Variants in MBNL2 observed in about 807,000 individuals in gnomAD.
MBNL2 encodes the protein muscleblind like splicing regulator 2.
A neutral mutation model predicts 41.9 loss-of-function variants in MBNL2; 17 were observed. The ratio of observed to expected loss-of-function variants is 0.41; its 90% confidence interval spans 0.28 to 0.61. The LOEUF is 0.61. Among genes scored for constraint, MBNL2 ranks in the 20% least tolerant of loss-of-function variants. The pLI is 0.35. For missense variants in MBNL2, 336 were observed against 505.6 expected (o/e 0.66, Z 3.22); for synonymous variants, 195 against 182.9 (o/e 1.07, Z -0.53).
the MBNL2 span, among the ~76,000 whole-genome samples, chr13:97,164,091 T>C: frequency 0.012 from 1,829 of 152,294 alleles, 32 homozygotes; most frequent in African/African-American, 0.042. Flanking sequence ...ACTGCAGCCT[T>C]GACCTCCTGG....
At chr13:97,274,161 G>A (rs2051683165) in intron 1 of MBNL2, among the ~76,000 whole-genome samples, 1 of 152,138 alleles carries the variant, frequency 6.6e-6, no homozygotes, top group Non-Finnish European at 1.5e-5. Flanking sequence ...TTGATTTGGG[G>A]TCATACTTTT....
At chr13:97,247,104 A>G (rs2045618002) in intron 1 of MBNL2, among the ~76,000 whole-genome samples, 1 of 152,242 alleles carries the variant, frequency 6.6e-6, no homozygotes, top group South Asian at 2.1e-4. Flanking sequence ...TGCTAGAAAC[A>G]CTTTATTCAC....
chr13:97,315,288 C>A (rs1467733244), intron 2 of MBNL2, among the ~76,000 whole-genome samples: 11 of 152,228 alleles, frequency 7.2e-5, no homozygotes, highest in African/African-American at 2.7e-4. Context: ...TCTCATCCCA[C>A]AAGGTTTACA....
At chr13:97,380,895 G>A (rs2065389903) in intron 8 of MBNL2, among the ~76,000 whole-genome samples, 1 of 152,080 alleles carries the variant, frequency 6.6e-6, no homozygotes, top group Admixed American at 6.5e-5. Flanking sequence ...ACTACTTACC[G>A]CACTGCAGAG....
At chr13:97,325,053 AATCCAATCAAGTTGACACTCAAT>A (rs1484031627) in intron 2 of MBNL2, among the ~76,000 whole-genome samples, 1 of 152,194 alleles carries the variant, frequency 6.6e-6, no homozygotes, top group East Asian at 1.9e-4. Context: ...TGCATCCTTC[AATCCAATCAAGTTGACACTCAAT>A]ATTAACATCA....
chr13:97,261,477 G>A (rs902493152), intron 1 of MBNL2, among the ~76,000 whole-genome samples: 1 of 152,136 alleles, frequency 6.6e-6, no homozygotes, highest in African/African-American at 2.4e-5. Context: ...CCATCTCCAA[G>A]ACCTTGACCT....
At chr13:97,294,383 A>G (rs1216843016) in intron 2 of MBNL2, among the ~76,000 whole-genome samples, 1 of 152,244 alleles carries the variant, frequency 6.6e-6, no homozygotes, top group Admixed American at 6.5e-5. Flanking sequence ...TTACAATTAA[A>G]TACTAAACCA....
At chr13:97,387,204 T>C (rs116283535) in intron 8 of MBNL2, among the ~76,000 whole-genome samples, 4,387 of 152,116 alleles carry the variant, frequency 0.029, 86 homozygotes, top group Middle Eastern at 0.051. Flanking sequence ...CAAATAGAAA[T>C]ATAGCTTGTT....
chr13:97,259,995 C>T (rs1051887593), intron 1 of MBNL2, among the ~76,000 whole-genome samples: 1 of 152,126 alleles, frequency 6.6e-6, no homozygotes, highest in Non-Finnish European at 1.5e-5. Flanking sequence ...ACAGACCATC[C>T]CCTTACAGAC....
chr13:97,291,466 C>T (rs1350671007), intron 2 of MBNL2, among the ~76,000 whole-genome samples: 1 of 152,060 alleles, frequency 6.6e-6, no homozygotes, highest in East Asian at 1.9e-4. Flanking sequence ...TGGTCTCAAT[C>T]CCCTGACCTC....
At chr13:97,348,074 A>ATTTTTTTTT (rs71692187) in intron 5 of MBNL2, among the ~76,000 whole-genome samples, 7 of 120,314 alleles carry the variant, frequency 5.8e-5, no homozygotes, top group African/African-American at 2.2e-4. Context: ...GGGCAGTGGG[A>ATTTTTTTTT]TTTTTTTTTT....
chr13:97,266,486 G>A (rs964556363), intron 1 of MBNL2, among the ~76,000 whole-genome samples: 1 of 152,158 alleles, frequency 6.6e-6, no homozygotes, highest in African/African-American at 2.4e-5. Flanking sequence ...GTGATTACAG[G>A]GCAGTCTTAC....
chr13:97,263,810 A>G (rs148698149), intron 1 of MBNL2, among the ~76,000 whole-genome samples: 2 of 151,428 alleles, frequency 1.3e-5, no homozygotes, highest in African/African-American at 2.4e-5. Flanking sequence ...TAGAGACGGG[A>G]TTTCATCATG....
chr13:97,270,038 A>T (rs2050633715), intron 1 of MBNL2, among the ~76,000 whole-genome samples: 1 of 152,226 alleles, frequency 6.6e-6, no homozygotes, highest in South Asian at 2.1e-4. Flanking sequence ...CGACATTTAG[A>T]TGAAGAAGGT....
At chr13:97,368,598 ATTTG>A (rs1566445466) in intron 8 of MBNL2, among the ~76,000 whole-genome samples, 1 of 120,898 alleles carries the variant, frequency 8.3e-6, no homozygotes, top group African/African-American at 2.9e-5. Context: ...CATAATAAAT[ATTTG>A]ACCATGTGTC....
chr13:97,318,724 A>AG (rs1231539778), intron 2 of MBNL2, among the ~76,000 whole-genome samples: 2 of 152,214 alleles, frequency 1.3e-5, no homozygotes, highest in Non-Finnish European at 2.9e-5. Context: ...GGGTTTGCTG[A>AG]GGGAAAAGAC....
intron 8 of MBNL2, among the ~76,000 whole-genome samples, chr13:97,374,023 C>T (rs1476992535): frequency 7.1e-6 from 1 of 140,078 alleles, no homozygotes; most frequent in Non-Finnish European, 1.5e-5. Context: ...TGCCTGTGGA[C>T]GGTCCTTTGC....
At chr13:97,253,339 C>T (rs937777044) in intron 1 of MBNL2, among the ~76,000 whole-genome samples, 1 of 152,212 alleles carries the variant, frequency 6.6e-6, no homozygotes, top group Non-Finnish European at 1.5e-5. Flanking sequence ...CCTACAGAAT[C>T]TCATCCTAGC....
intron 1 of MBNL2, among the ~76,000 whole-genome samples, chr13:97,266,007 C>T (rs990511755): frequency 6.6e-6 from 1 of 151,956 alleles, no homozygotes; most frequent in Admixed American, 6.6e-5. Flanking sequence ...TTTGGGAGGC[C>T]GAGGTGGGTG....
Sources: gnomAD v4.1 joint callset for allele counts (sites outside exome capture counted in the v4.1 genomes callset) on GRCh38, gnomAD v4.1.1 for gene constraint, MANE v1.5 for transcripts, NCBI Gene and HGNC (gene_info 2026-07-23, HGNC 2026-07-21) for gene names.